Variants in ISCU observed in about 807,000 individuals in gnomAD.
ISCU encodes the protein iron-sulfur cluster assembly enzyme.
ISCU carries 13 observed loss-of-function variants against 18.4 expected under a neutral mutation model. That is an observed-to-expected ratio of 0.71 (90% CI 0.46 to 1.12). The LOEUF is 1.12. ISCU is among the 50% of genes most tolerant of loss of function. ISCU has a pLI of 0.00. For missense variants in ISCU, 229 were observed against 208.7 expected, an observed-to-expected ratio of 1.10 and a Z score of -0.60; for synonymous variants, 104 against 87.5, an observed-to-expected ratio of 1.19 and a Z score of -1.06.
chr12:108,567,136 C>T lies in ISCU; in HGVS notation c.340-54C>T, dbSNP rs958341590. On this transcript the variant is annotated intron_variant, in intron 3 of 4. Transcript: ENST00000311893. ...TGGCCTCCCTTTTTTATTGGCTGGC[C>T]CTCACAAGATAAAGTGTTGCTAAAA... 4 of 1,327,540 alleles carry T rather than the reference C, an allele frequency of 3.0e-6. No homozygotes were observed. The Admixed American group carries it at 5.0e-5, about 17-fold the overall frequency. 82.2% of individuals were successfully genotyped at this position (1,327,540 alleles called of 1,614,324 possible). A position where few individuals can be genotyped will look rare whatever the true frequency, so the allele number is the denominator to read the frequency against.
chr12:108,562,532 C>A, upstream of ISCU: 1 of 699,956 alleles, frequency 1.4e-6, no homozygotes, highest in Non-Finnish European at 2.1e-6. Flanking sequence ...TCGGTGACGT[C>A]AGAGAGGCGC....
Position 108,565,344 on chromosome 12 carries a change from G to A in ISCU, c.252G>A (p.Lys84=), listed in dbSNP as rs2030840420. ...KLQIQVDEKG[K]IVDARFKTFG... The stretch of plus-strand genomic sequence containing the variant: ...AGATTCAAGTGGATGAAAAGGGGAA[G>A]ATTGTGGATGCTAGGTTTAAAACAT... Residue 84 remains lysine, a synonymous_variant, in exon 3 of 5, where the codon AAG becomes AAA. Coordinates refer to ENST00000311893, the MANE Select transcript of ISCU (RefSeq NM_213595.4). 3 of 1,613,990 alleles carry A rather than the reference G, an allele frequency of 1.9e-6. No individual in the cohort carries two copies. The highest frequency in any genetic ancestry group is 2.5e-6 in the Non-Finnish European group (3 of 1,179,942).
In ISCU at chr12:108,567,185, C is replaced by G; in HGVS notation, c.340-5C>G. The G allele has an allele frequency of 3.7e-6, 6 of 1,612,154 alleles. No homozygotes were observed. Among genetic ancestry groups the G allele is most frequent in the Non-Finnish European group, 5.1e-6 (6 of 1,178,418 alleles). On this transcript the variant is annotated splice_polypyrimidine_tract_variant and splice_region_variant and intron_variant, in intron 3 of 4. Coordinates refer to ENST00000311893, the MANE Select transcript of ISCU (RefSeq NM_213595.4). ...AACTGCCCATCTTTCCATTATGCCT[C>G]TCAGGTGGAGGAAGCCTTGACTATC...
At chr12:108,564,596 C>G (rs1317632964) in intron 2 of ISCU, among the ~76,000 whole-genome samples, 4 of 152,226 alleles carry the variant, frequency 2.6e-5, no homozygotes, top group Non-Finnish European at 4.4e-5. Flanking sequence ...GGCTAGTGTA[C>G]TATGCCAACT....
At chr12:108,562,595 T>A, upstream of ISCU, 1 of 1,336,192 alleles carries the variant, frequency 7.5e-7, no homozygotes, top group Non-Finnish European at 9.8e-7. Context: ...GGCGTCGCTC[T>A]GGACTGGCGC....
upstream of ISCU, among the ~76,000 whole-genome samples, chr12:108,562,287 G>C (rs1430430996): frequency 6.6e-6 from 1 of 152,244 alleles, no homozygotes; most frequent in Non-Finnish European, 1.5e-5. Context: ...TAGGAAAAGT[G>C]GACTCGGTGC....
At chr12:108,566,496 T>C (rs2030903627) in intron 3 of ISCU, among the ~76,000 whole-genome samples, 1 of 152,218 alleles carries the variant, frequency 6.6e-6, no homozygotes, top group African/African-American at 2.4e-5. Context: ...GTTAGCAGAA[T>C]TGGGAAACTG....
At chr12:108,565,119 A>C (rs2136714964) in intron 2 of ISCU, 1 of 588,108 alleles carries the variant, frequency 1.7e-6, no homozygotes, top group Middle Eastern at 4.5e-4. Context: ...GATCTTTGTC[A>C]GTTGGGCCTG....
At chr12:108,563,534 C>G (rs2030733778) in intron 1 of ISCU, 1 of 168,342 alleles carries the variant, frequency 5.9e-6, no homozygotes, top group Non-Finnish European at 1.3e-5. Flanking sequence ...ACTGGAAGAT[C>G]GGCGTGCTTA....
At chr12:108,566,524 A>G (rs1301237454) in intron 3 of ISCU, among the ~76,000 whole-genome samples, 1 of 152,256 alleles carries the variant, frequency 6.6e-6, no homozygotes, top group Non-Finnish European at 1.5e-5. Flanking sequence ...GACATAGTCA[A>G]AGAGTCTGGC....
intron 3 of ISCU, 26 bp from the exon 4 acceptor site, chr12:108,567,164 G>C (rs368464716): frequency 6.4e-7 from 1 of 1,570,198 alleles, no homozygotes; most frequent in African/African-American, 1.4e-5. Flanking sequence ...TGCTAAAACT[G>C]CCCATCTTTC....
intron 3 of ISCU, 65 bp from the exon 4 acceptor site, chr12:108,567,125 T>TA: frequency 8.0e-7 from 1 of 1,250,214 alleles, no homozygotes; most frequent in Non-Finnish European, 1.2e-6. Context: ...CTCCCTTTTT[T>TA]ATTGGCTGGC....
chr12:108,568,718 T>C, intron 4 of ISCU, 113 bp from the exon 5 acceptor site: 18 of 1,535,364 alleles, frequency 1.2e-5, no homozygotes, highest in African/African-American at 8.3e-5. Context: ...CTGGCTTGGT[T>C]ACTCCATTAG....
At chr12:108,562,579 C>T (rs1464888908), upstream of ISCU, 4 of 1,154,544 alleles carry the variant, frequency 3.5e-6, no homozygotes, top group Non-Finnish European at 4.5e-6. Context: ...ACGCGCCCCG[C>T]CCCTCGGCGT....
At chr12:108,564,204 G>C (rs760282325) in intron 1 of ISCU, 75 bp from the exon 2 acceptor site, 2 of 1,560,212 alleles carry the variant, frequency 1.3e-6, no homozygotes, top group Non-Finnish European at 8.8e-7. Flanking sequence ...GATGCTGACC[G>C]AGGAGCTTAC....
chr12:108,568,027 C>G (rs1329471443), intron 4 of ISCU: 1 of 1,507,746 alleles, frequency 6.6e-7, no homozygotes, highest in African/African-American at 1.4e-5. Context: ...GTAATACTCA[C>G]AGCAGAAGAG....
intron 1 of ISCU, chr12:108,563,407 G>T (rs1265855216): frequency 6.5e-6 from 1 of 153,320 alleles, no homozygotes; most frequent in African/African-American, 2.4e-5. Context: ...TCCCACTCGA[G>T]AAACAACTAA....
At chr12:108,564,151 C>G in intron 1 of ISCU, 128 bp from the exon 2 acceptor site, 1 of 1,611,312 alleles carries the variant, frequency 6.2e-7, no homozygotes, top group Non-Finnish European at 8.5e-7. Context: ...GACCTTTCTA[C>G]TCAGGTGAAA....
At chr12:108,566,998 C>T (rs921255204) in intron 3 of ISCU, among the ~76,000 whole-genome samples, 192 bp from the exon 4 acceptor site, 3 of 152,220 alleles carry the variant, frequency 2.0e-5, no homozygotes, top group African/African-American at 7.2e-5. Context: ...GCTGTGTATA[C>T]TTCATGCTTG....
Sources: gnomAD v4.1 joint callset for allele counts (sites outside exome capture counted in the v4.1 genomes callset) on GRCh38, gnomAD v4.1.1 for gene constraint, MANE v1.5 for transcripts, NCBI Gene and HGNC (gene_info 2026-07-23, HGNC 2026-07-21) for gene names.